ARHGAP25: variants seen among roughly 807,000 people sequenced by gnomAD.
ARHGAP25 encodes the protein rho GTPase-activating protein 25.
ARHGAP25 carries 34 observed loss-of-function variants against 71.0 expected under a neutral mutation model. The observed-to-expected ratio is 0.48, with a 90% CI of 0.36 to 0.64. The LOEUF (loss-of-function observed/expected upper bound fraction) is 0.64, where lower values mean the gene tolerates loss of function less well. ARHGAP25 is among the 30% of genes least tolerant of loss of function. The pLI is 0.00. For missense variants in ARHGAP25, 706 were observed against 805.1 expected (o/e 0.88, Z 1.49); for synonymous variants, 282 against 296.5 (o/e 0.95, Z 0.50).
chr2:68,820,151 A>G (rs1216422712), intron 9 of ARHGAP25, among the ~76,000 whole-genome samples: 3 of 152,216 alleles, frequency 2.0e-5, no homozygotes, highest in Non-Finnish European at 4.4e-5. Flanking sequence ...CTCTAAAACT[A>G]AAATAAAATT....
chr2:68,758,627 T>C (rs996001700), intron 1 of ARHGAP25, among the ~76,000 whole-genome samples: 1 of 151,696 alleles, frequency 6.6e-6, no homozygotes, highest in Non-Finnish European at 1.5e-5. Context: ...ATTGATAAAA[T>C]TGAAGGGAGA....
intron 4 of ARHGAP25, among the ~76,000 whole-genome samples, chr2:68,803,762 A>G (rs1165324813): frequency 6.6e-6 from 1 of 151,740 alleles, no homozygotes; most frequent in African/African-American, 2.4e-5. Flanking sequence ...AGGAGAAAGG[A>G]TGGGAAAGGC....
chr2:68,715,237 A>G (rs1291168796), intron 2 of ARHGAP25, among the ~76,000 whole-genome samples: 1 of 152,204 alleles, frequency 6.6e-6, no homozygotes, highest in African/African-American at 2.4e-5. Context: ...GTTGGTAGAA[A>G]TGCAAATTCT....
intron 1 of ARHGAP25, among the ~76,000 whole-genome samples, chr2:68,737,500 A>G (rs72893960): frequency 0.014 from 2,144 of 152,244 alleles, 57 homozygotes; most frequent in African/African-American, 0.049. Flanking sequence ...AGGTGATGGT[A>G]ACACCCCCCT....
At chr2:68,740,289 C>G (rs554450906) in intron 1 of ARHGAP25, among the ~76,000 whole-genome samples, 1 of 152,312 alleles carries the variant, frequency 6.6e-6, no homozygotes, top group Middle Eastern at 3.4e-3. Context: ...CGCTGTCTTT[C>G]TCACAGTGAT....
At chr2:68,735,612 G>C (rs1006503987) in intron 1 of ARHGAP25, 5 of 295,140 alleles carry the variant, frequency 1.7e-5, no homozygotes, top group African/African-American at 1.1e-4. Context: ...CTGAACAGGA[G>C]CACAAAGACT....
intron 7 of ARHGAP25, chr2:68,816,677 G>A (rs1221200282): frequency 7.7e-5 from 19 of 245,698 alleles, no homozygotes; most frequent in Admixed American, 1.0e-4. Flanking sequence ...ATTCTGAGCC[G>A]TAGCTTAGCT....
chr2:68,720,110 T>G (rs1279136644), intron 2 of ARHGAP25, among the ~76,000 whole-genome samples: 3 of 152,086 alleles, frequency 2.0e-5, no homozygotes, highest in Non-Finnish European at 4.4e-5. Context: ...ATCAGGGTTC[T>G]TTTCTAGAAA....
chr2:68,738,351 A>G (rs768647673), intron 1 of ARHGAP25, among the ~76,000 whole-genome samples: 28 of 152,122 alleles, frequency 1.8e-4, no homozygotes, highest in African/African-American at 6.8e-4. Flanking sequence ...CACATTTTGT[A>G]CCTTATTTGA....
intron 2 of ARHGAP25, among the ~76,000 whole-genome samples, chr2:68,718,530 AGT>A (rs34203928): frequency 0.67 from 101,613 of 151,128 alleles, 34,314 homozygotes; most frequent in African/African-American, 0.74. Flanking sequence ...GAAATATATA[AGT>A]GTGTGTGTGT....
At chr2:68,736,862 C>A (rs1466426263) in intron 1 of ARHGAP25, among the ~76,000 whole-genome samples, 1 of 152,062 alleles carries the variant, frequency 6.6e-6, no homozygotes, top group East Asian at 1.9e-4. Flanking sequence ...CCACTTTCAT[C>A]CTCACCTGAG....
intron 4 of ARHGAP25, among the ~76,000 whole-genome samples, chr2:68,805,614 G>C (rs188816284): frequency 1.3e-5 from 2 of 152,206 alleles, no homozygotes; most frequent in East Asian, 3.9e-4. Context: ...GCAGCAGGAG[G>C]GTTTCGAACA....
At chr2:68,804,963 T>C (rs1680256928) in intron 4 of ARHGAP25, among the ~76,000 whole-genome samples, 1 of 152,082 alleles carries the variant, frequency 6.6e-6, no homozygotes, top group Non-Finnish European at 1.5e-5. Flanking sequence ...TACATACAAA[T>C]CATGATCACA....
chr2:68,791,882 A>G (rs1679200234), intron 4 of ARHGAP25, among the ~76,000 whole-genome samples: 1 of 152,144 alleles, frequency 6.6e-6, no homozygotes, highest in Non-Finnish European at 1.5e-5. Context: ...AGAGGGCAGC[A>G]CATTGGTGTT....
intron 2 of ARHGAP25, among the ~76,000 whole-genome samples, chr2:68,781,072 G>T (rs948128874): frequency 6.6e-6 from 1 of 152,184 alleles, no homozygotes; most frequent in African/African-American, 2.4e-5. Flanking sequence ...TGGATATGGA[G>T]TTGTTGTGGG....
At chr2:68,745,132 T>C (rs994401304) in intron 1 of ARHGAP25, among the ~76,000 whole-genome samples, 5 of 152,218 alleles carry the variant, frequency 3.3e-5, no homozygotes, top group Admixed American at 2.6e-4. Context: ...TCTTTGACTT[T>C]GGGCAAGTCA....
chr2:68,813,010 AAT>A (rs1208264718), intron 5 of ARHGAP25, among the ~76,000 whole-genome samples: 1 of 152,208 alleles, frequency 6.6e-6, no homozygotes, highest in African/African-American at 2.4e-5. Context: ...TAAAGACGAA[AAT>A]CATTAAGGAA....
In ARHGAP25 at chr2:68,781,457, T is replaced by C. The variant is rs991590302; in HGVS notation, c.262-776T>C. Among the ~76,000 whole-genome samples, 8 of 152,282 alleles carry C rather than the reference T, an allele frequency of 5.3e-5. No homozygotes were observed. The South Asian group carries it at 1.7e-3, about 32-fold the overall frequency. ...AGTGATAAAGCACCATGCACACACA[T>C]GGTGGAAGTGGCTTGTTTTTCTGAT... On this transcript the variant is annotated intron_variant, in intron 2 of 10. Coordinates refer to ENST00000409202, the MANE Select transcript of ARHGAP25 (RefSeq NM_001007231.3).
chr2:68,788,775 A>G (rs955769837), intron 4 of ARHGAP25, among the ~76,000 whole-genome samples: 1 of 152,138 alleles, frequency 6.6e-6, no homozygotes, highest in African/African-American at 2.4e-5. Context: ...AACCTTAAAT[A>G]TATAGTTATG....
Sources: allele counts gnomAD v4.1 joint callset (sites outside exome capture counted in the v4.1 genomes callset), GRCh38; gene constraint gnomAD v4.1.1; transcripts MANE v1.5; gene names NCBI Gene and HGNC (gene_info 2026-07-23, HGNC 2026-07-21).